The following JMJD1C variants were observed in gnomAD, a reference collection of about 807,000 sequenced individuals.
The protein encoded by JMJD1C is jumonji domain containing 1C.
JMJD1C carries 31 observed loss-of-function variants against 245.3 expected under a neutral mutation model. The observed-to-expected ratio is 0.13, with a 90% CI of 0.09 to 0.17. The LOEUF is 0.17. Among genes scored for constraint, JMJD1C ranks in the 10% least tolerant of loss-of-function variants. The pLI is 1.00. For synonymous variants in JMJD1C, 1,057 were observed against 1,017.4 expected (o/e 1.04, Z -0.74); for missense variants, 2,691 against 3,000.2 (o/e 0.90, Z 2.41).
At chr10:63,210,464 T>C (rs1847187364) in intron 8 of JMJD1C, among the ~76,000 whole-genome samples, 1 of 152,212 alleles carries the variant, frequency 6.6e-6, no homozygotes, top group Admixed American at 6.5e-5. Context: ...AATAAAATAT[T>C]TTATGTACTT....
In JMJD1C at chr10:63,189,243, C is replaced by G; in HGVS notation, c.6495G>C (p.Lys2165Asn). The change falls in exon 18 of 26, where the codon AAG becomes AAC. Residue 2165 changes from lysine to asparagine, a missense_variant. Lys to Asn is a moderately conservative substitution (Grantham distance 94, BLOSUM62 0). Transcript: ENST00000399262. ...SDIPHSWICEKHILWLKDYKN... is the reference protein window; with the variant it reads ...SDIPHSWICENHILWLKDYKN... ...TATAATCCTTAAGCCATAAAATATG[C>G]TTCTCACAGATCCAAGAATGTGGTA... is the stretch of plus-strand genomic sequence containing the variant. 2 of 1,613,020 alleles carry G rather than the reference C, an allele frequency of 1.2e-6. No homozygotes were observed.
At chr10:63,520,766 C>A (rs1275830572) in intron 1 of JMJD1C, among the ~76,000 whole-genome samples, 1 of 152,148 alleles carries the variant, frequency 6.6e-6, no homozygotes, top group Non-Finnish European at 1.5e-5. Context: ...CCCTAAGAGG[C>A]CCAGAACAGT....
chr10:63,328,678 G>A (rs1941803297), intron 2 of JMJD1C, among the ~76,000 whole-genome samples: 1 of 152,166 alleles, frequency 6.6e-6, no homozygotes, highest in Admixed American at 6.5e-5. Context: ...TGTATTTTGA[G>A]GGTGTACAGA....
At chr10:63,272,287 T>C (rs1398338392) in intron 2 of JMJD1C, among the ~76,000 whole-genome samples, 1 of 152,054 alleles carries the variant, frequency 6.6e-6, no homozygotes, top group East Asian at 1.9e-4. Flanking sequence ...TTTTGCTCTT[T>C]TTTGCCCAGG....
At chr10:63,196,091 G>A (rs1037574241) in intron 13 of JMJD1C, among the ~76,000 whole-genome samples, 2 of 151,606 alleles carry the variant, frequency 1.3e-5, no homozygotes, top group East Asian at 2.0e-4. Flanking sequence ...TGGTAAAACC[G>A]TGTCTCTGCT....
intron 2 of JMJD1C, among the ~76,000 whole-genome samples, chr10:63,368,365 G>A (rs187642736): frequency 2.0e-5 from 3 of 152,246 alleles, no homozygotes; most frequent in East Asian, 3.9e-4. Flanking sequence ...TCATATTCAC[G>A]AACATGGAGA....
At chr10:63,338,552 A>G (rs1225860115) in intron 2 of JMJD1C, among the ~76,000 whole-genome samples, 1 of 152,146 alleles carries the variant, frequency 6.6e-6, no homozygotes, top group Non-Finnish European at 1.5e-5. Context: ...CATCATTTCA[A>G]GGAAGCTTAA....
At chr10:63,467,660 G>A (rs1953353045), upstream of JMJD1C, among the ~76,000 whole-genome samples, 1 of 152,204 alleles carries the variant, frequency 6.6e-6, no homozygotes, top group African/African-American at 2.4e-5. Context: ...ATAATACTTA[G>A]CAAATTATCT....
chr10:63,487,300 T>C (rs1954030407), intron 1 of JMJD1C, among the ~76,000 whole-genome samples: 1 of 152,114 alleles, frequency 6.6e-6, no homozygotes, highest in African/African-American at 2.4e-5. Context: ...GGACCAAAGA[T>C]GAAGGGGCAA....
chr10:63,421,565 CTT>C (rs1189433151), intron 1 of JMJD1C, among the ~76,000 whole-genome samples: 2 of 152,094 alleles, frequency 1.3e-5, no homozygotes, highest in African/African-American at 4.8e-5. Flanking sequence ...ACTTTGTGTA[CTT>C]TTTGTTATTA....
chr10:63,238,586 T>A (rs1161684335), intron 3 of JMJD1C, among the ~76,000 whole-genome samples: 1 of 152,228 alleles, frequency 6.6e-6, no homozygotes, highest in Admixed American at 6.5e-5. Context: ...CGATGTAAAC[T>A]GTAACCTCTA....
chr10:63,291,926 G>A (rs959131825), intron 2 of JMJD1C, among the ~76,000 whole-genome samples: 1 of 152,084 alleles, frequency 6.6e-6, no homozygotes, highest in Non-Finnish European at 1.5e-5. Flanking sequence ...CATGAGAAAT[G>A]TGTGTGTGCA....
At chr10:63,416,799 A>C (rs1949834762) in intron 1 of JMJD1C, among the ~76,000 whole-genome samples, 1 of 152,236 alleles carries the variant, frequency 6.6e-6, no homozygotes, top group African/African-American at 2.4e-5. Context: ...GCTAAATTTT[A>C]ACCTGTTTAC....
At chr10:63,260,614 T>C (rs1425341051) in intron 3 of JMJD1C, among the ~76,000 whole-genome samples, 1 of 151,764 alleles carries the variant, frequency 6.6e-6, no homozygotes, top group East Asian at 1.9e-4. Flanking sequence ...TTTTGAGATG[T>C]AGTCACGCTC....
intron 1 of JMJD1C, among the ~76,000 whole-genome samples, chr10:63,498,678 A>T (rs1013005377): frequency 6.6e-6 from 1 of 152,148 alleles, no homozygotes; most frequent in Non-Finnish European, 1.5e-5. Context: ...AAAGAGATAT[A>T]TCACTCAAGT....
Position 63,207,130 on chromosome 10 carries a change from T to C in JMJD1C, c.4539A>G (p.Ser1513=). 1 of 1,614,208 alleles carries C rather than the reference T, an allele frequency of 6.2e-7. No homozygotes were observed. Among genetic ancestry groups the C allele is most frequent in the Non-Finnish European group, 8.5e-7 (1 of 1,180,024 alleles). The change falls in exon 10 of 26, where the codon TCA becomes TCG. Residue 1513 remains serine, a synonymous_variant. Transcript: ENST00000399262. ...EPNAIKNQTL[S]ASLPLDSTVI... The stretch of plus-strand genomic sequence containing the variant: ...CAGTGCTATCCAGAGGAAGGGAGGC[T>C]GAAAGTGTCTGATTTTTTATAGCAT...
chr10:63,207,786 T>C lies in JMJD1C; in HGVS notation c.3883A>G (p.Ser1295Gly). 2 of 1,614,214 alleles carry C rather than the reference T, an allele frequency of 1.2e-6. No homozygotes were observed. Among genetic ancestry groups the C allele is most frequent in the African/African-American group, 2.7e-5 (2 of 75,064 alleles). Residue 1295 changes from serine to glycine, a missense_variant, in exon 10 of 26, where the codon AGC (serine) becomes GGC (glycine). Physicochemically the swap from Ser to Gly is moderately conservative, Grantham distance 56. Around this residue, in one of 9 missense-constraint regions of JMJD1C, gnomAD observed 1,562 missense variants for 1,490.7 expected, o/e 1.05. Transcript: ENST00000399262. ...EKTEWHVEKSSGKLQAAMASV... is the reference protein window; with the variant it reads ...EKTEWHVEKSGGKLQAAMASV... ...GCCATAGCAGCCTGTAACTTTCCGC[T>C]GCTTTTCTCCACATGCCATTCAGTT...
chr10:63,385,749 A>C (rs1026971213), intron 1 of JMJD1C, among the ~76,000 whole-genome samples: 2 of 151,976 alleles, frequency 1.3e-5, no homozygotes, highest in Non-Finnish European at 2.9e-5. Flanking sequence ...CCTATCATAA[A>C]ACCTCAAATT....
At chr10:63,232,580 G>A (rs950201731) in intron 3 of JMJD1C, among the ~76,000 whole-genome samples, 17 of 152,074 alleles carry the variant, frequency 1.1e-4, no homozygotes, top group Non-Finnish European at 8.8e-5. Context: ...GTTGCTATAA[G>A]CAACCCACTG....
Sources: gnomAD v4.1 joint callset for allele counts (sites outside exome capture counted in the v4.1 genomes callset) on GRCh38, gnomAD v4.1.1 for gene constraint, gnomAD v4.1.1 regional missense constraint, MANE v1.5 for transcripts, NCBI Gene and HGNC (gene_info 2026-07-23, HGNC 2026-07-21) for gene names.